The following HDAC4 variants were observed in gnomAD, a reference collection of about 807,000 sequenced individuals.
HDAC4 encodes the protein histone deacetylase A.
In HDAC4, 16 loss-of-function variants were observed where a neutral mutation model predicts 135.1. The observed-to-expected ratio is 0.12, with a 90% CI of 0.08 to 0.18. The LOEUF is 0.18. Among genes scored for constraint, HDAC4 ranks in the 10% least tolerant of loss-of-function variants. The pLI is 1.00. For synonymous variants in HDAC4, 685 were observed against 653.4 expected (o/e 1.05, Z -0.74); for missense variants, 1,143 against 1,511.8 (o/e 0.76, Z 4.05).
intron 11 of HDAC4, among the ~76,000 whole-genome samples, chr2:239,127,647 G>A (rs1260443797): frequency 6.6e-6 from 1 of 152,234 alleles, no homozygotes; most frequent in Non-Finnish European, 1.5e-5. Context: ...CTGACCGGGT[G>A]AAATGACAAA....
At chr2:239,099,692 C>G (rs565569592) in intron 16 of HDAC4, among the ~76,000 whole-genome samples, 1 of 152,330 alleles carries the variant, frequency 6.6e-6, no homozygotes, top group South Asian at 2.1e-4. Context: ...TGCTCCCCGC[C>G]TCCGCTAGGT....
chr2:239,335,425 A>C (rs1292511651), intron 2 of HDAC4, among the ~76,000 whole-genome samples: 1 of 151,024 alleles, frequency 6.6e-6, no homozygotes, highest in East Asian at 2.0e-4. Context: ...AATGAAGTTT[A>C]TCAAAAATAA....
At chr2:239,107,383 C>T (rs111725346) in intron 15 of HDAC4, among the ~76,000 whole-genome samples, 24 of 152,328 alleles carry the variant, frequency 1.6e-4, no homozygotes, top group African/African-American at 2.2e-4. Context: ...CATCGCCTGG[C>T]GGCCAGGGAA....
chr2:239,356,162 A>AAT (rs955417053), intron 1 of HDAC4, among the ~76,000 whole-genome samples: 1 of 152,194 alleles, frequency 6.6e-6, no homozygotes, highest in African/African-American at 2.4e-5. Flanking sequence ...TAGTTTTAAA[A>AAT]ATATATATAT....
intron 17 of HDAC4, 68 bp from the exon 18 acceptor site, chr2:239,090,184 C>A: frequency 8.8e-7 from 1 of 1,133,046 alleles, no homozygotes; most frequent in Non-Finnish European, 1.3e-6. Flanking sequence ...CCTGGCTGGG[C>A]AGAGCAGCTC....
At chr2:239,205,686 A>G (rs1258805766) in intron 3 of HDAC4, among the ~76,000 whole-genome samples, 1 of 151,592 alleles carries the variant, frequency 6.6e-6, no homozygotes, top group African/African-American at 2.4e-5. Context: ...AGAAGAAGGA[A>G]GAGGAGGAGG....
At chr2:239,281,682 TAC>T (rs2050764462) in intron 2 of HDAC4, among the ~76,000 whole-genome samples, 1 of 133,716 alleles carries the variant, frequency 7.5e-6, no homozygotes, top group Non-Finnish European at 1.6e-5. Context: ...CTCTGCAATG[TAC>T]ACACTACTCT....
In HDAC4 at chr2:239,139,613, G is replaced by T. The variant is rs1204849672; in HGVS notation, c.978+71C>A. ...AGAGTGAAGGGCAAGTGCAAAGTGG[G>T]GTCATTTCAAGCTCATCCGTCCCGA... On this transcript the variant is annotated intron_variant, in intron 9 of 26. Coordinates refer to ENST00000543185, the MANE Select transcript of HDAC4 (RefSeq NM_001378414.1). This position sits in a 1 kb window ranked among gnomAD's most constrained non-coding sequence, Gnocchi z 5.3. 1.1e-4 allele frequency: 141 copies of T among 1,341,654 alleles called. No homozygotes were observed. Among genetic ancestry groups the T allele is most frequent in the Non-Finnish European group, 2.4e-5 (22 of 931,912 alleles). The allele number at this position is 1,341,654 out of a possible 1,614,324, so 83.1% of individuals were successfully genotyped here.
chr2:239,111,787 T>A, intron 13 of HDAC4, 75 bp from the exon 14 acceptor site: 1 of 1,401,574 alleles, frequency 7.1e-7, no homozygotes, highest in Non-Finnish European at 9.9e-7. Flanking sequence ...GGGGTTGCCC[T>A]CTCTTGCAAG....
At chr2:239,222,213 G>A (rs370733291) in intron 3 of HDAC4, among the ~76,000 whole-genome samples, 17 of 152,180 alleles carry the variant, frequency 1.1e-4, no homozygotes, top group African/African-American at 3.1e-4. Flanking sequence ...GGTGCTGGCC[G>A]TACCAGCCAG....
chr2:239,387,079 C>T (rs774043844), intron 1 of HDAC4, among the ~76,000 whole-genome samples: 3 of 152,178 alleles, frequency 2.0e-5, no homozygotes, highest in Non-Finnish European at 4.4e-5. Context: ...CCGGGGAGCA[C>T]GAGTGTGTGG....
chr2:239,062,433 C>A (rs2032893951), intron 24 of HDAC4, among the ~76,000 whole-genome samples: 1 of 152,228 alleles, frequency 6.6e-6, no homozygotes, highest in African/African-American at 2.4e-5. Flanking sequence ...GGGCCCAGGC[C>A]AACTCTTGTG....
chr2:239,316,379 C>A (rs1480296446), intron 2 of HDAC4, among the ~76,000 whole-genome samples: 1 of 152,154 alleles, frequency 6.6e-6, no homozygotes, highest in Admixed American at 6.5e-5. Context: ...GTGGGAAGAT[C>A]ACTTGAGCCC....
At chr2:239,183,007 C>A (rs1017546018) in intron 4 of HDAC4, among the ~76,000 whole-genome samples, 1 of 152,216 alleles carries the variant, frequency 6.6e-6, no homozygotes, top group Non-Finnish European at 1.5e-5. Context: ...TGCAACTAGT[C>A]CCTCGCTAAC....
chr2:239,373,583 C>T (rs1336625413), intron 1 of HDAC4, among the ~76,000 whole-genome samples: 1 of 152,136 alleles, frequency 6.6e-6, no homozygotes, highest in Admixed American at 6.5e-5. Context: ...CTCACCTCAG[C>T]CTCCCAAGTA....
At chr2:239,143,554 T>G (rs2041548016) in intron 8 of HDAC4, among the ~76,000 whole-genome samples, 1 of 152,184 alleles carries the variant, frequency 6.6e-6, no homozygotes, top group African/African-American at 2.4e-5. Context: ...CAGATACTTT[T>G]TAATAGAAAT....
chr2:239,156,612 G>A (rs2042439687), intron 7 of HDAC4, 40 bp downstream of exon 7: 1 of 1,613,634 alleles, frequency 6.2e-7, no homozygotes, highest in African/African-American at 1.3e-5. Flanking sequence ...AGGTGCCCGT[G>A]CAGGAGACCT....
At chr2:239,097,183 C>A (rs1486929311) in intron 16 of HDAC4, among the ~76,000 whole-genome samples, 1 of 152,250 alleles carries the variant, frequency 6.6e-6, no homozygotes, top group Non-Finnish European at 1.5e-5. Flanking sequence ...TGGCCTGGCT[C>A]CAAGGGCAGG....
intron 5 of HDAC4, among the ~76,000 whole-genome samples, chr2:239,169,813 C>T (rs1033661616): frequency 3.6e-4 from 55 of 151,892 alleles, no homozygotes; most frequent in African/African-American, 1.2e-3. Flanking sequence ...TCCCCTATGC[C>T]GCCCCGTCTC....
Sources: gnomAD v4.1 joint callset for allele counts (sites outside exome capture counted in the v4.1 genomes callset) on GRCh38, gnomAD v4.1.1 for gene constraint, Gnocchi (gnomAD v3.1) non-coding constraint, MANE v1.5 for transcripts, NCBI Gene and HGNC (gene_info 2026-07-23, HGNC 2026-07-21) for gene names.